Variants in GIMAP5 observed in about 807,000 individuals in gnomAD.
GIMAP5 encodes GTPase IMAP family member 5.
Under a neutral mutation model 9.9 loss-of-function variants are expected in GIMAP5, and 8 were observed. The ratio of observed to expected loss-of-function variants is 0.81; its 90% CI spans 0.47 to 1.45. The LOEUF (loss-of-function observed/expected upper bound fraction) is 1.45. Among genes scored for constraint, GIMAP5 ranks in the 40% most tolerant of loss-of-function variants. GIMAP5 has a pLI of 0.00. For missense variants in GIMAP5, 353 were observed against 367.4 expected, an observed-to-expected ratio of 0.96 and a Z score of 0.32; for synonymous variants, 174 against 151.4, an observed-to-expected ratio of 1.15 and a Z score of -1.09.
intron 1 of GIMAP5, chr7:150,739,102 C>G (rs28375807): frequency 1.3e-5 from 2 of 152,160 alleles, no homozygotes; most frequent in African/African-American, 4.8e-5. Flanking sequence ...TTTTGAATAA[C>G]CTTTTATAAG....
intron 2 of GIMAP5, 106 bp from the exon 3 acceptor site, chr7:150,742,077 C>T: frequency 7.5e-7 from 1 of 1,327,466 alleles, no homozygotes; most frequent in Non-Finnish European, 1.0e-6. Context: ...ATATGTCTGT[C>T]ATTCTGGGGA....
rs777816427 is a variant in GIMAP5, at chr7:150,742,332, A to G, written c.193A>G (p.Thr65Ala). 3.1e-6 allele frequency: 5 copies of G among 1,614,074 alleles called. No homozygotes were observed. The highest frequency in any genetic ancestry group is 8.5e-7 in the Non-Finnish European group (1 of 1,180,038). Residue 65 changes from threonine to alanine, a missense_variant, in exon 3 of 3, where the codon ACG (threonine) becomes GCG (alanine). Thr to Ala is a moderately conservative substitution (Grantham distance 58). Transcript: ENST00000358647. ...SKLRAQSVTR[T>A]CQVKTGTWNG... Reference sequence around the variant, plus strand: ...GCTGAGGGCCCAGTCAGTGACCAGGACGTGCCAGGTGAAAACAGGAACATG... The same window carrying G: ...GCTGAGGGCCCAGTCAGTGACCAGGGCGTGCCAGGTGAAAACAGGAACATG...
chr7:150,743,359 T>G lies in GIMAP5; in HGVS notation c.*296T>G. 2 of 337,624 alleles carry G rather than the reference T, an allele frequency of 5.9e-6. No individual in the cohort carries two copies. Among genetic ancestry groups the G allele is most frequent in the Non-Finnish European group, 1.1e-5 (2 of 181,056 alleles). 20.9% of individuals were successfully genotyped at this position (337,624 alleles called of 1,614,324 possible). On this transcript the variant is annotated 3_prime_UTR_variant, in exon 3 of 3. Transcript: ENST00000358647. ...AGTCCGCAGAGGTGGGGATGGAAGA[T>G]CTCTCCTTAGATAGAACCTGTCTTC... is the stretch of plus-strand genomic sequence containing the variant.
In GIMAP5 at chr7:150,742,618, C is replaced by A. The variant is rs183707481; in HGVS notation, c.479C>A (p.Ala160Asp). The A allele has an allele frequency of 2.5e-6, 4 of 1,614,190 alleles. No homozygotes were observed. The South Asian group carries it at 4.4e-5, about 18-fold the overall frequency. Reference protein sequence around the residue: ...FTHKEDLGGQALDDYVANTDN... With the variant: ...FTHKEDLGGQDLDDYVANTDN... The stretch of plus-strand genomic sequence containing the variant: ...CACAAAGAGGACTTAGGGGGCCAGG[C>A]CCTGGATGACTATGTAGCAAACACG... Residue 160 changes from alanine to aspartate, a missense_variant, in exon 3 of 3, where the codon GCC (alanine) becomes GAC (aspartate). Coordinates refer to ENST00000358647, the MANE Select transcript of GIMAP5 (RefSeq NM_018384.5).
rs765212870 is a variant in GIMAP5, at chr7:150,742,760, T to C, written c.621T>C (p.Ile207=). The change falls in exon 3 of 3, where the codon ATT becomes ATC. Residue 207 remains isoleucine, a synonymous_variant. Coordinates refer to ENST00000358647, the MANE Select transcript of GIMAP5 (RefSeq NM_018384.5). ...RQQQAELLAV[I]ERLGREREGS... Reference sequence around the variant, plus strand: ...AGCAGGCAGAGCTCCTGGCTGTGATTGAGAGGCTGGGGAGGGAGCGAGAGG... The same window carrying C: ...AGCAGGCAGAGCTCCTGGCTGTGATCGAGAGGCTGGGGAGGGAGCGAGAGG... The C allele has an allele frequency of 4.3e-6, 7 of 1,614,092 alleles. 1 individual carries two copies. In the South Asian group the frequency reaches 6.6e-5, roughly 15 times the overall value.
rs760773018 is a variant in GIMAP5, at chr7:150,742,475, C to A, written c.336C>A (p.His112Gln). 1.9e-6 allele frequency: 3 copies of A among 1,614,064 alleles called. No homozygotes were observed. The highest frequency in any genetic ancestry group is 2.5e-6 in the Non-Finnish European group (3 of 1,180,022). The change falls in exon 3 of 3, where the codon CAC (histidine) becomes CAA (glutamine). Residue 112 changes from histidine (H) to glutamine (Q), a missense_variant. Coordinates refer to ENST00000358647, the MANE Select transcript of GIMAP5 (RefSeq NM_018384.5). ...DCYLLSAPGPHVLLLVIQLGR... is the reference protein window; with the variant it reads ...DCYLLSAPGPQVLLLVIQLGR... ...ACCTGCTCTCTGCCCCGGGGCCCCA[C>A]GTCCTGCTTCTGGTGATCCAGCTGG...
At chr7:150,738,460 G>C (rs1440381801) in intron 1 of GIMAP5, 3 of 152,200 alleles carry the variant, frequency 2.0e-5, no homozygotes, top group African/African-American at 7.2e-5. Context: ...GAAGTGGTTT[G>C]ATCTTTTCTA....
At position 150,742,274 on chromosome 7, in the gene GIMAP5, C is replaced by G. The variant is rs377716443; in HGVS notation, c.135C>G (p.Asn45Lys). Residue 45 changes from asparagine to lysine, a missense_variant, in exon 3 of 3, where the codon AAC (asparagine) becomes AAG (lysine). Physicochemically the swap from Asn to Lys is moderately conservative, Grantham distance 94. Transcript: ENST00000358647. The stretch of plus-strand genomic sequence containing the variant: ...GCTGCGGGAAAAGTGCCACAGGGAA[C>G]AGCATCCTTGGCCAGCCCGTGTTTG... ...KTGCGKSATGNSILGQPVFES... is the reference protein window; with the variant it reads ...KTGCGKSATGKSILGQPVFES... 59 of 1,614,110 alleles carry G rather than the reference C, an allele frequency of 3.7e-5. No homozygotes were observed. Among genetic ancestry groups the G allele is most frequent in the Non-Finnish European group, 4.9e-5 (58 of 1,180,042 alleles).
In GIMAP5 at chr7:150,742,563, G is replaced by T; in HGVS notation, c.424G>T (p.Ala142Ser). 3 of 1,614,174 alleles carry T rather than the reference G, an allele frequency of 1.9e-6. No individual in the cohort carries two copies. Among genetic ancestry groups the T allele is most frequent in the Non-Finnish European group, 2.5e-6 (3 of 1,180,032 alleles). ...GGTGAAAGAGGTCTTTGGGACAGGGGCCATGAGACATGTGGTCATCCTCTT... is the reference window on the plus strand; with the variant it reads ...GGTGAAAGAGGTCTTTGGGACAGGGTCCATGAGACATGTGGTCATCCTCTT... ...RKVKEVFGTG[A>S]MRHVVILFTH... is the part of the protein sequence containing the mutation. The change falls in exon 3 of 3, where the codon GCC becomes TCC. Residue 142 changes from alanine (A) to serine (S), a missense_variant. Ala to Ser is a moderately conservative substitution (Grantham distance 99, BLOSUM62 1). Coordinates refer to ENST00000358647, the MANE Select transcript of GIMAP5 (RefSeq NM_018384.5).
At position 150,740,927 on chromosome 7, in the gene GIMAP5, G is replaced by A. The variant is rs748376957; in HGVS notation, c.43G>A (p.Gly15Ser). 9.9e-6 allele frequency: 16 copies of A among 1,613,914 alleles called. No homozygotes were observed. The highest frequency in any genetic ancestry group is 3.3e-5 in the South Asian group (3 of 91,080). Residue 15 changes from glycine to serine, a missense_variant and splice_region_variant, in exon 2 of 3, where the codon GGT (glycine) becomes AGT (serine). Coordinates refer to ENST00000358647, the MANE Select transcript of GIMAP5 (RefSeq NM_018384.5). ...GGGCAAATATGGAACTATGGCTGAA[G>A]GTAAGAAAGTCTTGAAGTTCTCAAG... The part of the protein sequence containing the change: ...QRGKYGTMAE[G>S]RSEDNLSATP...
At position 150,742,254 on chromosome 7, in the gene GIMAP5, G is replaced by T. The variant is rs373678856; in HGVS notation, c.115G>T (p.Gly39Trp). The stretch of plus-strand genomic sequence containing the variant: ...TATCCTAGTGGGCAAAACAGGCTGC[G>T]GGAAAAGTGCCACAGGGAACAGCAT... ...RIILVGKTGC[G>W]KSATGNSILG... Residue 39 changes from glycine to tryptophan, a missense_variant, in exon 3 of 3, where the codon GGG becomes TGG. Physicochemically the swap from Gly to Trp is radical, Grantham distance 184 (BLOSUM62 -2). Transcript: ENST00000358647. 6.2e-7 allele frequency: 1 copy of T among 1,614,224 alleles called. No individual in the cohort carries two copies. The highest frequency in any genetic ancestry group is 8.5e-7 in the Non-Finnish European group (1 of 1,180,036).
Position 150,737,606 on chromosome 7 carries a change from A to G in GIMAP5, c.-109A>G. ...ACAGCATCCCCGCACACAGACGCAG[A>G]GCAGGACTCTCTCTGCTGCCACTTC... On this transcript the variant is annotated 5_prime_UTR_variant, in exon 1 of 3. Coordinates refer to ENST00000358647, the MANE Select transcript of GIMAP5 (RefSeq NM_018384.5). 3 of 1,535,680 alleles carry G rather than the reference A, an allele frequency of 2.0e-6. No individual in the cohort carries two copies. The South Asian group carries it at 3.6e-5, about 18-fold the overall frequency.
rs942840868 is a variant in GIMAP5, at chr7:150,737,503, A to G, written c.-212A>G. ...ATAATCTCTACTTTTCTTTTTGTGC[A>G]GCTGAGTCATGGAGCTTTCAGCCCC... On this transcript the variant is annotated 5_prime_UTR_variant, in exon 1 of 3. Coordinates refer to ENST00000358647, the MANE Select transcript of GIMAP5 (RefSeq NM_018384.5). The G allele has an allele frequency of 5.9e-6, 9 of 1,534,922 alleles. No individual in the cohort carries two copies. The Admixed American group carries it at 1.4e-4, about 23-fold the overall frequency.
At chr7:150,738,523 C>T (rs1239414340) in intron 1 of GIMAP5, 1 of 152,190 alleles carries the variant, frequency 6.6e-6, no homozygotes, top group African/African-American at 2.4e-5. Context: ...AAGCTCTTCT[C>T]ATGGTAAAAT....
In GIMAP5 at chr7:150,737,897, C is replaced by T. The variant is rs1319516720; in HGVS notation, c.-7+189C>T. ...AGGTGCACAGCTGGTGGAGCACAGC[C>T]TGAAGAATCTGTGCCTGCACTCACA... is the stretch of plus-strand genomic sequence containing the variant. On this transcript the variant is annotated intron_variant, in intron 1 of 2. Transcript: ENST00000358647. 5.0e-6 allele frequency: 3 copies of T among 603,882 alleles called. No individual in the cohort carries two copies. In the African/African-American group the frequency reaches 5.6e-5, roughly 11 times the overall value. The allele number at this position is 603,882 out of a possible 1,614,324, so 37.4% of individuals were successfully genotyped here.
chr7:150,740,323 C>G (rs1231989386), intron 1 of GIMAP5: 1 of 153,500 alleles, frequency 6.5e-6, no homozygotes, highest in African/African-American at 2.4e-5. Context: ...CATTTCCTCT[C>G]ACGTCAGTTC....
chr7:150,740,911 T>C lies in GIMAP5; in HGVS notation c.27T>C (p.Tyr9=). Residue 9 remains tyrosine (Y), a synonymous_variant, in exon 2 of 3, where the codon TAT becomes TAC. Coordinates refer to ENST00000358647, the MANE Select transcript of GIMAP5 (RefSeq NM_018384.5). MGGFQRGK[Y]GTMAEGRSED... is the part of the protein sequence containing the mutation. ...TGGGAGGATTCCAGAGGGGCAAATA[T>C]GGAACTATGGCTGAAGGTAAGAAAG... is the stretch of plus-strand genomic sequence containing the variant. The C allele has an allele frequency of 1.2e-6, 2 of 1,614,110 alleles. No individual in the cohort carries two copies. The highest frequency in any genetic ancestry group is 1.7e-6 in the Non-Finnish European group (2 of 1,179,980).
intron 1 of GIMAP5, chr7:150,739,918 C>A (rs1322448716): frequency 6.6e-6 from 1 of 151,966 alleles, no homozygotes; most frequent in Admixed American, 6.6e-5. Flanking sequence ...TATAAATTAC[C>A]AAAATAGCAA....
rs1311649173 is a variant in GIMAP5 at position 150,742,810 on chromosome 7, T to C, written c.671T>C (p.Phe224Ser). 1.9e-6 allele frequency: 3 copies of C among 1,614,004 alleles called. No individual in the cohort carries two copies. Among genetic ancestry groups the C allele is most frequent in the Non-Finnish European group, 2.5e-6 (3 of 1,180,026 alleles). Residue 224 changes from phenylalanine to serine, a missense_variant, in exon 3 of 3, where the codon TTC becomes TCC. Physicochemically the swap from Phe to Ser is radical, Grantham distance 155. Coordinates refer to ENST00000358647, the MANE Select transcript of GIMAP5 (RefSeq NM_018384.5). ...REGSFHSNDL[F>S]LDAQLLQRTG... is the part of the protein sequence containing the mutation. ...GGCTCCTTCCACAGCAATGACCTCT[T>C]CTTGGATGCCCAGCTGCTCCAAAGA... is the stretch of plus-strand genomic sequence containing the variant.
Sources: allele counts gnomAD v4.1 joint callset, GRCh38; gene constraint gnomAD v4.1.1; transcripts MANE v1.5; gene names NCBI Gene and HGNC (gene_info 2026-07-23, HGNC 2026-07-21).